The following ASIC2 variants were observed in gnomAD, a reference collection of about 807,000 sequenced individuals.
The protein encoded by ASIC2 is acid sensing ion channel subunit 2.
Under a neutral mutation model 57.3 loss-of-function variants are expected in ASIC2, and 25 were observed. The observed-to-expected ratio is 0.44, with a 90% CI of 0.32 to 0.61. The LOEUF (loss-of-function observed/expected upper bound fraction) is 0.61. Among genes scored for constraint, ASIC2 ranks in the 20% least tolerant of loss-of-function variants. ASIC2 has a pLI of 0.06. For synonymous variants in ASIC2, 319 were observed against 307.5 expected (o/e 1.04, Z -0.39); for missense variants, 641 against 738.1 (o/e 0.87, Z 1.52).
At chr17:33,810,489 A>G (rs1021163700) in intron 1 of ASIC2, among the ~76,000 whole-genome samples, 1 of 152,210 alleles carries the variant, frequency 6.6e-6, no homozygotes, top group African/African-American at 2.4e-5. Context: ...AGCCAAGTGC[A>G]GGAACACTGG....
chr17:33,073,871 C>A (rs1489195724), intron 3 of ASIC2, among the ~76,000 whole-genome samples: 1 of 152,126 alleles, frequency 6.6e-6, no homozygotes, highest in Non-Finnish European at 1.5e-5. Flanking sequence ...GGAAGTGGAA[C>A]CTTGTGTAAG....
chr17:33,398,613 ATGGTGATGATGGTGT>A (rs1424690153), intron 1 of ASIC2, among the ~76,000 whole-genome samples: 1 of 152,012 alleles, frequency 6.6e-6, no homozygotes, highest in East Asian at 1.9e-4. Context: ...GATGGTGATT[ATGGTGATGATGGTGT>A]TGGTGATGAT....
chr17:33,397,919 T>C (rs1910138264), intron 1 of ASIC2, among the ~76,000 whole-genome samples: 1 of 152,246 alleles, frequency 6.6e-6, no homozygotes, highest in Non-Finnish European at 1.5e-5. Flanking sequence ...TTATTCTTTT[T>C]GAGTCACAGT....
chr17:33,088,311 C>A (rs1000223766), intron 3 of ASIC2, among the ~76,000 whole-genome samples: 1 of 152,182 alleles, frequency 6.6e-6, no homozygotes, highest in African/African-American at 2.4e-5. Flanking sequence ...TGAGGCTGTG[C>A]CTGTCCTCCC....
At chr17:33,434,019 G>A (rs187532178) in intron 1 of ASIC2, among the ~76,000 whole-genome samples, 41 of 152,010 alleles carry the variant, frequency 2.7e-4, no homozygotes, top group African/African-American at 9.2e-4. Context: ...GAAGTAAGCC[G>A]GACAGGGTGG....
At chr17:33,546,507 C>A (rs972815173) in intron 1 of ASIC2, among the ~76,000 whole-genome samples, 3 of 152,184 alleles carry the variant, frequency 2.0e-5, no homozygotes, top group African/African-American at 7.2e-5. Flanking sequence ...AATAGTGAGA[C>A]AAAGCTGCAG....
At chr17:33,162,226 G>T (rs1422350761) in intron 1 of ASIC2, among the ~76,000 whole-genome samples, 1 of 152,112 alleles carries the variant, frequency 6.6e-6, no homozygotes, top group Non-Finnish European at 1.5e-5. Context: ...AACTCCTGGG[G>T]ATACAGATAC....
At chr17:33,869,394 T>C (rs1914330973) in intron 1 of ASIC2, among the ~76,000 whole-genome samples, 2 of 152,202 alleles carry the variant, frequency 1.3e-5, no homozygotes, top group Admixed American at 1.3e-4. Flanking sequence ...TTTAGGTATA[T>C]ACTCAAGAGA....
At chr17:34,106,520 T>A (rs1438842275) in intron 1 of ASIC2, among the ~76,000 whole-genome samples, 1 of 152,174 alleles carries the variant, frequency 6.6e-6, no homozygotes, top group African/African-American at 2.4e-5. Flanking sequence ...CATGTATGTA[T>A]GTATGCACCT....
intron 3 of ASIC2, among the ~76,000 whole-genome samples, chr17:33,037,351 A>G (rs2091913049): frequency 6.8e-6 from 1 of 146,234 alleles, no homozygotes; most frequent in African/African-American, 2.5e-5. Flanking sequence ...AGCTCTGGAG[A>G]TGGGCCAAGG....
chr17:33,300,210 TA>T (rs745440362), intron 1 of ASIC2, among the ~76,000 whole-genome samples: 5 of 152,234 alleles, frequency 3.3e-5, no homozygotes, highest in Non-Finnish European at 7.3e-5. Context: ...TGAATATACA[TA>T]AGTGTACATA....
chr17:34,023,922 A>G (rs961937803), intron 1 of ASIC2, among the ~76,000 whole-genome samples: 2 of 152,346 alleles, frequency 1.3e-5, no homozygotes, highest in South Asian at 4.1e-4. Flanking sequence ...TGTTTGTTAT[A>G]ACTTACTGTA....
At chr17:33,965,153 C>T (rs1905039589) in intron 1 of ASIC2, among the ~76,000 whole-genome samples, 1 of 152,178 alleles carries the variant, frequency 6.6e-6, no homozygotes, top group African/African-American at 2.4e-5. Flanking sequence ...ATATGTCAAA[C>T]ATGTCCATGT....
intron 1 of ASIC2, among the ~76,000 whole-genome samples, chr17:34,114,863 C>T (rs1911381918): frequency 6.6e-6 from 1 of 152,124 alleles, no homozygotes; most frequent in Non-Finnish European, 1.5e-5. Context: ...TTAGTTAAGA[C>T]AGTGAAGTCC....
intron 1 of ASIC2, among the ~76,000 whole-genome samples, chr17:33,452,593 G>A (rs1912291221): frequency 6.6e-6 from 1 of 152,160 alleles, no homozygotes; most frequent in Non-Finnish European, 1.5e-5. Context: ...ATAGTCTGAC[G>A]ACAGAATGGG....
At chr17:33,022,757 GC>G (rs1289006156) in intron 6 of ASIC2, among the ~76,000 whole-genome samples, 1 of 152,128 alleles carries the variant, frequency 6.6e-6, no homozygotes, top group African/African-American at 2.4e-5. Flanking sequence ...ATAGTTTCCT[GC>G]CCTCAGGGGC....
chr17:33,323,208 T>C (rs922091554), intron 1 of ASIC2, among the ~76,000 whole-genome samples: 2 of 152,190 alleles, frequency 1.3e-5, no homozygotes, highest in African/African-American at 4.8e-5. Context: ...TGGATGCATA[T>C]GTTCACCGAA....
intron 1 of ASIC2, among the ~76,000 whole-genome samples, chr17:33,198,685 A>T (rs1906737151): frequency 6.6e-6 from 1 of 152,198 alleles, no homozygotes; most frequent in African/African-American, 2.4e-5. Context: ...ACCCTGGGGA[A>T]AAAAAGGACT....
At chr17:34,039,631 C>A (rs1472427288) in intron 1 of ASIC2, 13 of 1,613,238 alleles carry the variant, frequency 8.1e-6, no homozygotes, top group African/African-American at 1.3e-5. Flanking sequence ...AATTTTATGT[C>A]CCCTAGGAGT....
Sources: gnomAD v4.1 joint callset for allele counts (sites outside exome capture counted in the v4.1 genomes callset) on GRCh38, gnomAD v4.1.1 for gene constraint, MANE v1.5 for transcripts, NCBI Gene and HGNC (gene_info 2026-07-23, HGNC 2026-07-21) for gene names.